Variants in LRMDA observed in about 807,000 individuals in gnomAD.
LRMDA encodes the protein leucine rich melanocyte differentiation associated, also known as leucine-rich melanocyte differentiation-associated protein.
LRMDA carries 18 observed loss-of-function variants against 29.8 expected under a neutral mutation model. The observed-to-expected ratio is 0.60, with a 90% CI of 0.42 to 0.90. LRMDA has a LOEUF of 0.90. LRMDA is among the 40% of genes least tolerant of loss of function. LRMDA has a pLI of 0.00. For synonymous variants in LRMDA, 125 were observed against 109.4 expected (o/e 1.14, Z -0.89); for missense variants, 273 against 273.9 (o/e 1.00, Z 0.02).
At position 76,520,107 on chromosome 10, in the gene LRMDA, A is replaced by G. The variant is rs1238388290; in HGVS notation, c.602-37102A>G. On this transcript the variant is annotated intron_variant, in intron 6 of 6. Coordinates refer to ENST00000611255, the MANE Select transcript of LRMDA (RefSeq NM_001305581.2). ...CTAATAGTTACTTTTCTTGTGTTGG[A>G]GTATCTGGTTAGGATTGCAAATTCA... is the stretch of plus-strand genomic sequence containing the variant. Among the ~76,000 whole-genome samples, 4 of 152,086 alleles carry G rather than the reference A, an allele frequency of 2.6e-5. No individual in the cohort carries two copies. In the East Asian group the frequency reaches 7.7e-4, roughly 29 times the overall value.
intron 5 of LRMDA, among the ~76,000 whole-genome samples, chr10:76,096,892 A>G (rs946723648): frequency 2.0e-5 from 3 of 152,138 alleles, no homozygotes; most frequent in African/African-American, 7.2e-5. Context: ...TTTAATTTCC[A>G]ATTGTTCATT....
At chr10:76,305,854 C>T (rs564652744) in intron 5 of LRMDA, among the ~76,000 whole-genome samples, 224 of 152,160 alleles carry the variant, frequency 1.5e-3, no homozygotes, top group Middle Eastern at 3.4e-3. Context: ...CTTTCAAGAA[C>T]GGCTCTGTGA....
chr10:76,034,541 G>A (rs761736510), intron 2 of LRMDA, among the ~76,000 whole-genome samples: 1 of 152,110 alleles, frequency 6.6e-6, no homozygotes, highest in Non-Finnish European at 1.5e-5. Context: ...AGAGCTCTGG[G>A]CCCAGTGGTA....
intron 2 of LRMDA, among the ~76,000 whole-genome samples, chr10:75,731,498 C>T (rs1842696595): frequency 6.6e-6 from 1 of 152,160 alleles, no homozygotes; most frequent in Admixed American, 6.5e-5. Flanking sequence ...TAAGATAGTG[C>T]CTGGCCCACA....
chr10:75,932,139 T>A (rs942123213), intron 2 of LRMDA, among the ~76,000 whole-genome samples: 1 of 152,230 alleles, frequency 6.6e-6, no homozygotes, highest in South Asian at 2.1e-4. Flanking sequence ...ACATTTATAG[T>A]GTCTTTTGTT....
intron 6 of LRMDA, among the ~76,000 whole-genome samples, chr10:76,469,404 G>A (rs1482390530): frequency 6.6e-6 from 1 of 152,168 alleles, no homozygotes; most frequent in Non-Finnish European, 1.5e-5. Context: ...TACCACAGGT[G>A]AAGCTAACTG....
At chr10:75,935,793 A>G (rs1846280618) in intron 2 of LRMDA, among the ~76,000 whole-genome samples, 1 of 152,154 alleles carries the variant, frequency 6.6e-6, no homozygotes, top group Non-Finnish European at 1.5e-5. Flanking sequence ...GTCTGTCCAC[A>G]TGCAACTGAG....
intron 2 of LRMDA, among the ~76,000 whole-genome samples, chr10:75,911,941 C>T (rs1845849415): frequency 6.6e-6 from 1 of 152,154 alleles, no homozygotes; most frequent in Admixed American, 6.5e-5. Context: ...GCCAGCAGCA[C>T]CTGCAGCTTT....
At chr10:75,953,299 G>A (rs1846609342) in intron 2 of LRMDA, among the ~76,000 whole-genome samples, 1 of 152,084 alleles carries the variant, frequency 6.6e-6, no homozygotes, top group African/African-American at 2.4e-5. Flanking sequence ...GGCTGGTCTT[G>A]AACTCCTGGC....
chr10:75,442,163 T>C (rs902279639), intron 2 of LRMDA, among the ~76,000 whole-genome samples: 5 of 152,254 alleles, frequency 3.3e-5, no homozygotes, highest in Non-Finnish European at 7.3e-5. Flanking sequence ...AAAAGTTGTA[T>C]CTGTAGCATA....
At chr10:76,211,290 C>T (rs1213416814) in intron 5 of LRMDA, among the ~76,000 whole-genome samples, 1 of 152,212 alleles carries the variant, frequency 6.6e-6, no homozygotes, top group African/African-American at 2.4e-5. Flanking sequence ...TTCCAGATTC[C>T]TTTGATTCAC....
At chr10:75,487,153 C>T (rs1347469980) in intron 2 of LRMDA, among the ~76,000 whole-genome samples, 1 of 152,156 alleles carries the variant, frequency 6.6e-6, no homozygotes, top group Non-Finnish European at 1.5e-5. Context: ...AATAATTAAG[C>T]AGTTCTTTCT....
intron 2 of LRMDA, among the ~76,000 whole-genome samples, chr10:75,700,476 C>A (rs1318762037): frequency 6.7e-6 from 1 of 149,232 alleles, no homozygotes. Flanking sequence ...CGCTCTGTCG[C>A]CTAGGCTGGA....
At chr10:75,484,841 G>A (rs1193314340) in intron 2 of LRMDA, among the ~76,000 whole-genome samples, 1 of 152,164 alleles carries the variant, frequency 6.6e-6, no homozygotes. Context: ...CCTTGATCTT[G>A]GAACTCTAGC....
intron 5 of LRMDA, among the ~76,000 whole-genome samples, chr10:76,266,019 C>T (rs1332399479): frequency 6.6e-6 from 1 of 152,110 alleles, no homozygotes; most frequent in African/African-American, 2.4e-5. Context: ...TGTTTGGAAT[C>T]CTGGCCATCA....
chr10:75,979,728 A>G (rs1265203121), intron 2 of LRMDA, among the ~76,000 whole-genome samples: 1 of 151,240 alleles, frequency 6.6e-6, no homozygotes, highest in African/African-American at 2.4e-5. Flanking sequence ...CCTCCTCCCC[A>G]TGTTTCTTCC....
At chr10:75,717,368 T>C (rs1400603700) in intron 2 of LRMDA, among the ~76,000 whole-genome samples, 1 of 152,218 alleles carries the variant, frequency 6.6e-6, no homozygotes, top group Non-Finnish European at 1.5e-5. Context: ...AACAGGGCGA[T>C]GGGATGGTAA....
At chr10:76,225,942 G>A (rs1422922879) in intron 5 of LRMDA, among the ~76,000 whole-genome samples, 2 of 128,086 alleles carry the variant, frequency 1.6e-5, no homozygotes, top group African/African-American at 6.1e-5. Context: ...TGTTCCTATT[G>A]TTCAATTCCC....
chr10:75,914,409 A>G (rs866934051), intron 2 of LRMDA, among the ~76,000 whole-genome samples: 5 of 152,256 alleles, frequency 3.3e-5, no homozygotes, highest in African/African-American at 9.6e-5. Flanking sequence ...TTCTGTCTAT[A>G]TGATTTGCAT....
Sources: allele counts gnomAD v4.1 joint callset (sites outside exome capture counted in the v4.1 genomes callset), GRCh38; gene constraint gnomAD v4.1.1; transcripts MANE v1.5; gene names NCBI Gene and HGNC (gene_info 2026-07-23, HGNC 2026-07-21).